The following KLHL7 variants were observed in gnomAD, a reference collection of about 807,000 sequenced individuals.
KLHL7 encodes kelch like family member 7, also known as kelch-like protein 7.
A neutral mutation model predicts 67.4 loss-of-function variants in KLHL7; 44 were observed. That is an observed-to-expected ratio of 0.65 (90% CI 0.51 to 0.84). KLHL7 has a LOEUF of 0.84. Ranked by LOEUF, KLHL7 falls within the 40% of genes least tolerant of loss-of-function variation. The pLI is 0.00. For synonymous variants in KLHL7, 252 were observed against 243.3 expected (o/e 1.04, Z -0.33); for missense variants, 362 against 718.1 (o/e 0.50, Z 5.67).
intron 6 of KLHL7, among the ~76,000 whole-genome samples, chr7:23,147,801 C>A (rs370240430): frequency 2.2e-4 from 33 of 152,294 alleles, no homozygotes; most frequent in African/African-American, 7.7e-4. Context: ...ATTCAAACCT[C>A]GAACCTGCAT....
chr7:23,122,391 G>A (rs1783389707), intron 1 of KLHL7, among the ~76,000 whole-genome samples: 1 of 151,654 alleles, frequency 6.6e-6, no homozygotes, highest in Admixed American at 6.6e-5. Flanking sequence ...GACCTCCAAG[G>A]CAACTTGATC....
In KLHL7 at chr7:23,174,860, A is replaced by T. The variant is rs1785260155; in HGVS notation, c.*562A>T. On this transcript the variant is annotated 3_prime_UTR_variant, in exon 11 of 11. Transcript: ENST00000339077. ...AGGCATATACACACTTTCTCACAAA[A>T]CTTCCTAAACAGATTTGGGGGTTTA... 2 of 454,436 alleles carry T rather than the reference A, an allele frequency of 4.4e-6. No homozygotes were observed. Among genetic ancestry groups the T allele is most frequent in the Non-Finnish European group, 4.4e-6 (1 of 226,806 alleles). 28.2% of individuals were successfully genotyped at this position (454,436 alleles called of 1,614,324 possible).
At chr7:23,136,976 A>T (rs1226390732) in intron 4 of KLHL7, among the ~76,000 whole-genome samples, 1 of 152,188 alleles carries the variant, frequency 6.6e-6, no homozygotes, top group African/African-American at 2.4e-5. Flanking sequence ...ATAAAAGTAT[A>T]AAAAATATGA....
chr7:23,106,248 C>T, intron 1 of KLHL7, 102 bp downstream of exon 1: 1 of 1,548,454 alleles, frequency 6.5e-7, no homozygotes, highest in Non-Finnish European at 8.7e-7. Flanking sequence ...TCGCGCCCCT[C>T]TTTCTCTGTC....
chr7:23,163,645 A>G (rs1425381930), intron 7 of KLHL7, among the ~76,000 whole-genome samples: 1 of 152,230 alleles, frequency 6.6e-6, no homozygotes, highest in African/African-American at 2.4e-5. Context: ...GAGCTTAGAA[A>G]AAAAGTATAG....
rs140524890 is a variant in KLHL7, at chr7:23,138,410, C to T, written c.443-2359C>T. Among the ~76,000 whole-genome samples the T allele has an allele frequency of 8.9e-3, 1,241 of 139,376 alleles. 31 individuals are homozygous for T. The highest frequency in any genetic ancestry group is 0.039 in the South Asian group (167 of 4,296). The allele number at this position is 139,376 out of a possible 152,430, so 91.4% of individuals were successfully genotyped here. A position where few individuals can be genotyped will look rare whatever the true frequency, so the allele number is the denominator to read the frequency against. The stretch of plus-strand genomic sequence containing the variant: ...CTGGGAGGTGGGGTTTGCAGTGAGC[C>T]GAGATCGGGCCACTGCACTCCAGCC... On this transcript the variant is annotated intron_variant, in intron 4 of 10. Transcript: ENST00000339077.
At chr7:23,124,190 CAAAAAAAAAAAAA>C (rs149801497) in intron 2 of KLHL7, among the ~76,000 whole-genome samples, 784 of 25,840 alleles carry the variant, frequency 0.03, 7 homozygotes, top group Middle Eastern at 0.19. Context: ...GACTCTGTCT[CAAAAAAAAAAAAA>C]AAAAAAAAAA....
At chr7:23,124,859 T>G in intron 3 of KLHL7, 78 bp downstream of exon 3, 4 of 1,157,340 alleles carry the variant, frequency 3.5e-6, no homozygotes, top group Non-Finnish European at 5.2e-6. Flanking sequence ...AACAAATAGT[T>G]GCACTACAAA....
At chr7:23,116,190 T>G (rs1022501901) in intron 1 of KLHL7, among the ~76,000 whole-genome samples, 1 of 152,222 alleles carries the variant, frequency 6.6e-6, no homozygotes, top group Non-Finnish European at 1.5e-5. Context: ...GCTGTGAAAT[T>G]CCTTGTATCT....
chr7:23,121,962 A>G lies in KLHL7; in HGVS notation c.121-1815A>G, dbSNP rs544752570. On this transcript the variant is annotated intron_variant, in intron 1 of 10. Coordinates refer to ENST00000339077, the MANE Select transcript of KLHL7 (RefSeq NM_001031710.3). Reference sequence around the variant, plus strand: ...CTCCCAAGGTGCTGGGATTACAGGCATGAGTCGCTGCACCCGGCAGTCCCA... The same window carrying G: ...CTCCCAAGGTGCTGGGATTACAGGCGTGAGTCGCTGCACCCGGCAGTCCCA... Among the ~76,000 whole-genome samples, 67 of 152,204 alleles carry G rather than the reference A, an allele frequency of 4.4e-4. 1 individual carries two copies. The highest frequency in any genetic ancestry group is 3.9e-3 in the South Asian group (19 of 4,818).
At chr7:23,138,903 T>G (rs887769467) in intron 4 of KLHL7, among the ~76,000 whole-genome samples, 7 of 152,110 alleles carry the variant, frequency 4.6e-5, no homozygotes, top group Non-Finnish European at 1.0e-4. Flanking sequence ...AAAGAATAGA[T>G]TAATTCTTAC....
chr7:23,142,726 A>G (rs1355410048), intron 5 of KLHL7, among the ~76,000 whole-genome samples: 2 of 151,834 alleles, frequency 1.3e-5, no homozygotes, highest in African/African-American at 4.9e-5. Context: ...GACATTCTCA[A>G]CAAAATACCT....
chr7:23,167,554 T>C (rs139754909), intron 8 of KLHL7, among the ~76,000 whole-genome samples: 31 of 152,338 alleles, frequency 2.0e-4, no homozygotes, highest in African/African-American at 7.2e-4. Context: ...AGGCTTCTTA[T>C]TTAATTTTTC....
rs540264912 is a variant in KLHL7 at position 23,136,050 on chromosome 7, T to A, written c.443-4719T>A. The stretch of plus-strand genomic sequence containing the variant: ...TTTGCCCTCCATTGTTGCTGGGAAC[T>A]CTTCTGCTGCCATGAGAAGAAGGCT... On this transcript the variant is annotated intron_variant, in intron 4 of 10. Transcript: ENST00000339077. Among the ~76,000 whole-genome samples, 17 of 152,172 alleles carry A rather than the reference T, an allele frequency of 1.1e-4. No individual in the cohort carries two copies. In the South Asian group the frequency reaches 1.9e-3, roughly 17 times the overall value.
At chr7:23,168,969 A>T (rs1785078329) in intron 9 of KLHL7, among the ~76,000 whole-genome samples, 1 of 152,196 alleles carries the variant, frequency 6.6e-6, no homozygotes, top group African/African-American at 2.4e-5. Context: ...TTTAAAATTA[A>T]GAAATAAGAT....
At chr7:23,136,087 G>A (rs79215673) in intron 4 of KLHL7, among the ~76,000 whole-genome samples, 246 of 152,222 alleles carry the variant, frequency 1.6e-3, no homozygotes, top group African/African-American at 5.8e-3. Context: ...GAGACCATAG[G>A]GCAGAGATCA....
intron 4 of KLHL7, among the ~76,000 whole-genome samples, chr7:23,127,659 A>C (rs1289515814): frequency 6.6e-6 from 1 of 151,992 alleles, no homozygotes; most frequent in Admixed American, 6.6e-5. Flanking sequence ...GTAAAAAATT[A>C]AACCCAGTAC....
At chr7:23,151,166 T>C (rs374568030) in intron 6 of KLHL7, among the ~76,000 whole-genome samples, 93 of 149,672 alleles carry the variant, frequency 6.2e-4, no homozygotes, top group African/African-American at 1.9e-3. Context: ...TGTTTTTTTT[T>C]TTTTCTTTTC....
intron 6 of KLHL7, among the ~76,000 whole-genome samples, chr7:23,148,139 A>G (rs1391714806): frequency 6.6e-6 from 1 of 152,232 alleles, no homozygotes; most frequent in South Asian, 2.1e-4. Flanking sequence ...AGTAGACCCA[A>G]TGTTGTCCAT....
Sources: allele counts gnomAD v4.1 joint callset (sites outside exome capture counted in the v4.1 genomes callset), GRCh38; gene constraint gnomAD v4.1.1; transcripts MANE v1.5; gene names NCBI Gene and HGNC (gene_info 2026-07-23, HGNC 2026-07-21).